LINGO2: variants seen among roughly 807,000 people sequenced by gnomAD.
The protein encoded by LINGO2 is leucine-rich repeat and immunoglobulin-like domain-containing nogo receptor-interacting protein 2.
Under a neutral mutation model 30.6 loss-of-function variants are expected in LINGO2, and 14 were observed. That is an observed-to-expected ratio of 0.46 (90% confidence interval 0.30 to 0.72). The LOEUF (loss-of-function observed/expected upper bound fraction) is 0.72, where lower values mean the gene tolerates loss of function less well. Ranked by LOEUF, LINGO2 falls within the 30% of genes least tolerant of loss-of-function variation. LINGO2 has a pLI of 0.07. For synonymous variants in LINGO2, 317 were observed against 288.5 expected (o/e 1.10, Z -1.00); for missense variants, 729 against 751.7 (o/e 0.97, Z 0.35).
the LINGO2 span, among the ~76,000 whole-genome samples, chr9:28,735,921 A>G: frequency 1.3e-5 from 2 of 152,202 alleles, no homozygotes; most frequent in African/African-American, 2.4e-5. Context: ...TAGTCATACA[A>G]AAGGTGTTAT....
the LINGO2 span, among the ~76,000 whole-genome samples, chr9:29,107,113 TAAC>T: frequency 1.3e-5 from 2 of 152,154 alleles, no homozygotes; most frequent in African/African-American, 4.8e-5. Flanking sequence ...TATAAGTATG[TAAC>T]ATCACATAAA....
chr9:28,707,444 T>C, the LINGO2 span, among the ~76,000 whole-genome samples: 1 of 152,182 alleles, frequency 6.6e-6, no homozygotes, highest in African/African-American at 2.4e-5. Context: ...CATATATCCC[T>C]GAGAGTCTTT....
At chr9:28,680,650 T>A in the LINGO2 span, among the ~76,000 whole-genome samples, 3 of 152,098 alleles carry the variant, frequency 2.0e-5, no homozygotes, top group Non-Finnish European at 2.9e-5. Context: ...TTATCAGGTG[T>A]TATCTTTTTA....
the LINGO2 span, among the ~76,000 whole-genome samples, chr9:29,001,859 C>T: frequency 6.6e-6 from 1 of 151,910 alleles, no homozygotes; most frequent in South Asian, 2.1e-4. Context: ...ATAGCAAATA[C>T]ATTTTCCCCA....
At chr9:28,394,933 A>G (rs1025649873) in intron 2 of LINGO2, among the ~76,000 whole-genome samples, 4 of 152,248 alleles carry the variant, frequency 2.6e-5, no homozygotes, top group African/African-American at 7.2e-5. Flanking sequence ...ATTACAAGGT[A>G]GAAAAGATAA....
chr9:28,536,872 AC>A (rs1407262680), intron 1 of LINGO2, among the ~76,000 whole-genome samples: 1 of 151,926 alleles, frequency 6.6e-6, no homozygotes, highest in Non-Finnish European at 1.5e-5. Context: ...TTGACTTGTG[AC>A]CCCCTCAAAT....
chr9:28,032,111 A>T (rs1313263339), intron 4 of LINGO2, among the ~76,000 whole-genome samples: 1 of 152,044 alleles, frequency 6.6e-6, no homozygotes, highest in Non-Finnish European at 1.5e-5. Context: ...AAATAAAAAC[A>T]GCTTTGGCCT....
chr9:28,387,023 G>T (rs1301331391), intron 2 of LINGO2, among the ~76,000 whole-genome samples: 1 of 152,154 alleles, frequency 6.6e-6, no homozygotes, highest in East Asian at 1.9e-4. Context: ...ATATAGCATT[G>T]AGAGGTGAAG....
intron 2 of LINGO2, among the ~76,000 whole-genome samples, chr9:28,401,189 G>A (rs757570272): frequency 6.6e-6 from 1 of 151,814 alleles, no homozygotes; most frequent in African/African-American, 2.4e-5. Flanking sequence ...CTTAAAAACC[G>A]AGATAAATGT....
intron 1 of LINGO2, among the ~76,000 whole-genome samples, chr9:28,610,592 A>G (rs1825873667): frequency 6.6e-6 from 1 of 152,160 alleles, no homozygotes; most frequent in African/African-American, 2.4e-5. Flanking sequence ...ACAGCATTCA[A>G]GGTTTCATCG....
chr9:28,470,284 G>A (rs559629427), intron 2 of LINGO2, among the ~76,000 whole-genome samples: 7 of 152,220 alleles, frequency 4.6e-5, no homozygotes, highest in South Asian at 2.1e-4. Flanking sequence ...AAAGAAAAAC[G>A]TATTTGAATT....
Position 28,111,523 on chromosome 9 carries a change from T to G in LINGO2, c.-86-99118A>C, listed in dbSNP as rs1000316645. Among the ~76,000 whole-genome samples, 5 of 152,268 alleles carry G rather than the reference T, an allele frequency of 3.3e-5. 1 individual carries two copies. The Middle Eastern group carries it at 0.014, about 414-fold the overall frequency. ...AACTTTTAACTCGGGCCAGCTGTTT[T>G]GTTGACTTATAATCATGTTTTAGGA... On this transcript the variant is annotated intron_variant, in intron 4 of 5. Transcript: ENST00000379992.
intron 1 of LINGO2, among the ~76,000 whole-genome samples, chr9:28,562,373 A>G (rs1031528350): frequency 6.7e-6 from 1 of 149,618 alleles, no homozygotes; most frequent in African/African-American, 2.5e-5. Context: ...AACCATCTCT[A>G]ATCTCTCATG....
intron 1 of LINGO2, among the ~76,000 whole-genome samples, chr9:28,524,704 G>T (rs1820952068): frequency 1.3e-5 from 2 of 152,154 alleles, no homozygotes; most frequent in African/African-American, 4.8e-5. Flanking sequence ...AGTGAGCAGA[G>T]ATCACGCCAT....
chr9:28,223,135 A>G (rs963818018), intron 4 of LINGO2, among the ~76,000 whole-genome samples: 8 of 152,208 alleles, frequency 5.3e-5, no homozygotes, highest in African/African-American at 1.9e-4. Flanking sequence ...CCTTAAAAGA[A>G]GAGAGATGGT....
At chr9:28,253,764 T>C (rs1822288299) in intron 4 of LINGO2, among the ~76,000 whole-genome samples, 1 of 152,008 alleles carries the variant, frequency 6.6e-6, no homozygotes, top group African/African-American at 2.4e-5. Flanking sequence ...TCAGTTTCAT[T>C]TGTAAAATGG....
the LINGO2 span, among the ~76,000 whole-genome samples, chr9:28,979,896 C>A: frequency 6.6e-6 from 1 of 152,092 alleles, no homozygotes; most frequent in Non-Finnish European, 1.5e-5. Flanking sequence ...TTCAAATAAG[C>A]TATGAACAAA....
chr9:28,163,047 T>C (rs1221865943), intron 4 of LINGO2, among the ~76,000 whole-genome samples: 1 of 152,166 alleles, frequency 6.6e-6, no homozygotes, highest in Non-Finnish European at 1.5e-5. Context: ...GTGGATTTTA[T>C]CTTTTGGCAA....
chr9:27,991,011 A>C (rs1281788753), intron 5 of LINGO2, among the ~76,000 whole-genome samples: 1 of 152,046 alleles, frequency 6.6e-6, no homozygotes, highest in Non-Finnish European at 1.5e-5. Context: ...AAGTCTTACC[A>C]AATACAGCTG....
Sources: allele counts gnomAD v4.1 joint callset (sites outside exome capture counted in the v4.1 genomes callset), GRCh38; gene constraint gnomAD v4.1.1; transcripts MANE v1.5; gene names NCBI Gene and HGNC (gene_info 2026-07-23, HGNC 2026-07-21).